TRPC4: variants seen among roughly 807,000 people sequenced by gnomAD.
TRPC4 encodes the protein short transient receptor potential channel 4.
Under a neutral mutation model 99.4 loss-of-function variants are expected in TRPC4, and 49 were observed. That is an observed-to-expected ratio of 0.49 (90% confidence interval 0.39 to 0.63). TRPC4 has a LOEUF of 0.63. TRPC4 is among the 20% of genes least tolerant of loss of function. TRPC4 has a pLI of 0.00. For missense variants in TRPC4, 898 were observed against 1,152.9 expected (o/e 0.78, Z 3.20); for synonymous variants, 454 against 425.9 (o/e 1.07, Z -0.81).
At chr13:37,842,241 G>A (rs1487906992) in intron 1 of TRPC4, among the ~76,000 whole-genome samples, 6 of 124,610 alleles carry the variant, frequency 4.8e-5, no homozygotes, top group Admixed American at 4.3e-4. Context: ...CTGCACTCCA[G>A]CCTAGGCAAC....
chr13:37,637,222 G>A lies in TRPC4; in HGVS notation c.2615C>T (p.Ala872Val), dbSNP rs1357809669. 1 of 1,613,810 alleles carries A rather than the reference G, an allele frequency of 6.2e-7. No individual in the cohort carries two copies. Among genetic ancestry groups the A allele is most frequent in the Non-Finnish European group, 8.5e-7 (1 of 1,179,892 alleles). Residue 872 changes from alanine to valine, a missense_variant, in exon 11 of 11, where the codon GCT becomes GTT. Physicochemically the swap from Ala to Val is moderately conservative, Grantham distance 64. This residue lies in a region of TRPC4 where 346 missense variants were observed against 351.4 expected (regional missense o/e 0.98). Coordinates refer to ENST00000379705, the MANE Select transcript of TRPC4 (RefSeq NM_016179.4). ...AAGTGGTCCTGCAGCCTGTTGACGA[G>A]CAACTTCTTCTGAAACAGAGAAGAT... ...NQIFSVSEEVARQQAAGPLER... is the reference protein window; with the variant it reads ...NQIFSVSEEVVRQQAAGPLER...
chr13:37,859,795 A>T (rs1445368132), intron 1 of TRPC4, among the ~76,000 whole-genome samples: 1 of 151,464 alleles, frequency 6.6e-6, no homozygotes, highest in African/African-American at 2.4e-5. Context: ...ATCTAGAAAA[A>T]CATCTGTGAT....
intron 5 of TRPC4, among the ~76,000 whole-genome samples, chr13:37,665,248 T>TATTGATAGCTGTCCCCCTATA (rs1952601282): frequency 6.6e-6 from 1 of 152,176 alleles, no homozygotes; most frequent in Non-Finnish European, 1.5e-5. Flanking sequence ...AGTCCGTAAC[T>TATTGATAGCTGTCCCCCTATA]ATTGATAGCT....
chr13:37,651,099 G>T, intron 8 of TRPC4, 166 bp downstream of exon 8: 1 of 753,476 alleles, frequency 1.3e-6, no homozygotes, highest in Non-Finnish European at 2.1e-6. Context: ...AGAAATCCTA[G>T]TTAATCAGAC....
chr13:37,653,160 A>G (rs1441149158), intron 7 of TRPC4, among the ~76,000 whole-genome samples: 1 of 152,060 alleles, frequency 6.6e-6, no homozygotes, highest in African/African-American at 2.4e-5. Flanking sequence ...ATTGCTTTTT[A>G]TCTCTACTAT....
intron 5 of TRPC4, among the ~76,000 whole-genome samples, chr13:37,665,330 TC>T (rs1222794798): frequency 1.3e-5 from 2 of 152,206 alleles, no homozygotes; most frequent in Non-Finnish European, 2.9e-5. Context: ...TTGAGAAATA[TC>T]CCCCTATGTT....
intron 3 of TRPC4, among the ~76,000 whole-genome samples, chr13:37,720,396 A>G (rs777709426): frequency 3.3e-5 from 5 of 152,120 alleles, no homozygotes; most frequent in Non-Finnish European, 7.4e-5. Flanking sequence ...TAGTAATGGG[A>G]CGCCTAAGTC....
At position 37,634,646 on chromosome 13, in the gene TRPC4, A is replaced by G. The variant is rs1217282100; in HGVS notation, c.*2257T>C. On this transcript the variant is annotated 3_prime_UTR_variant, in exon 11 of 11. Transcript: ENST00000379705. The stretch of plus-strand genomic sequence containing the variant: ...AGAGAATTTGAAATTAAATTCTGGT[A>G]AAGTATGTAAAATGGTTATGTATAG... Among the ~76,000 whole-genome samples the G allele has an allele frequency of 1.3e-5, 2 of 152,092 alleles. No individual in the cohort carries two copies. Among genetic ancestry groups the G allele is most frequent in the African/African-American group, 4.8e-5 (2 of 41,436 alleles).
At chr13:37,740,762 A>T (rs1955562664) in intron 3 of TRPC4, among the ~76,000 whole-genome samples, 1 of 152,204 alleles carries the variant, frequency 6.6e-6, no homozygotes, top group South Asian at 2.1e-4. Flanking sequence ...CTTGAGATTA[A>T]GAGAGCTTTA....
chr13:37,798,241 G>C (rs886912589), intron 1 of TRPC4, among the ~76,000 whole-genome samples: 2 of 152,198 alleles, frequency 1.3e-5, no homozygotes, highest in Admixed American at 1.3e-4. Context: ...ATATAAGAAA[G>C]AGCTATGAAC....
chr13:37,734,129 A>G (rs527539339), intron 3 of TRPC4, among the ~76,000 whole-genome samples: 20 of 152,298 alleles, frequency 1.3e-4, no homozygotes, highest in African/African-American at 4.3e-4. Flanking sequence ...GAATCTGCAC[A>G]GAGTATTTCT....
At chr13:37,773,737 T>C (rs1459660367) in intron 2 of TRPC4, among the ~76,000 whole-genome samples, 1 of 151,846 alleles carries the variant, frequency 6.6e-6, no homozygotes, top group Admixed American at 6.6e-5. Context: ...GAATGCTTGA[T>C]AAATTGTAAT....
chr13:37,715,163 T>C (rs1390787760), intron 3 of TRPC4, among the ~76,000 whole-genome samples: 1 of 152,182 alleles, frequency 6.6e-6, no homozygotes, highest in Non-Finnish European at 1.5e-5. Context: ...TCCAGACTTG[T>C]CCACCTTTCT....
chr13:37,720,415 GT>G (rs892597325), intron 3 of TRPC4, among the ~76,000 whole-genome samples: 14 of 152,172 alleles, frequency 9.2e-5, no homozygotes, highest in African/African-American at 3.4e-4. Context: ...TCTGTCCGTT[GT>G]TTTGGACATG....
Position 37,636,610 on chromosome 13 carries a change from A to T in TRPC4, c.*293T>A. The T allele has an allele frequency of 4.4e-6, 1 of 229,088 alleles. No individual in the cohort carries two copies. The highest frequency in any genetic ancestry group is 8.4e-6 in the Non-Finnish European group (1 of 119,168). 14.2% of individuals were successfully genotyped at this position (229,088 alleles called of 1,614,324 possible). Reference sequence around the variant, plus strand: ...ATAAATTGCATTTGTTTTAATTGAAAAAGATAGCTAAAATGTTTCTGTGGG... The same window carrying T: ...ATAAATTGCATTTGTTTTAATTGAATAAGATAGCTAAAATGTTTCTGTGGG... On this transcript the variant is annotated 3_prime_UTR_variant, in exon 11 of 11. Transcript: ENST00000379705.
At chr13:37,846,125 CA>C (rs1157223131) in intron 1 of TRPC4, among the ~76,000 whole-genome samples, 1 of 152,014 alleles carries the variant, frequency 6.6e-6, no homozygotes, top group Admixed American at 6.6e-5. Flanking sequence ...CCCAGACAAA[CA>C]AAAGCTAAGA....
At chr13:37,700,170 T>C (rs1323735117) in intron 3 of TRPC4, among the ~76,000 whole-genome samples, 2 of 152,236 alleles carry the variant, frequency 1.3e-5, no homozygotes, top group African/African-American at 4.8e-5. Flanking sequence ...AGATTAAAAA[T>C]GCTAGTTATT....
rs1371545050 is a variant in TRPC4 at position 37,633,624 on chromosome 13, T to C, written c.*3279A>G. ...ATGGTGAGTCTACTATCCTTGACTT[T>C]TCATCAATTTGTTTCATCACTAAAG... On this transcript the variant is annotated 3_prime_UTR_variant, in exon 11 of 11. Coordinates refer to ENST00000379705, the MANE Select transcript of TRPC4 (RefSeq NM_016179.4). 6.6e-6 allele frequency among the ~76,000 whole-genome samples: 1 copy of C among 152,162 alleles called. No individual in the cohort carries two copies. The highest frequency in any genetic ancestry group is 1.5e-5 in the Non-Finnish European group (1 of 68,000).
chr13:37,831,470 G>C (rs1958419896), intron 1 of TRPC4, among the ~76,000 whole-genome samples: 1 of 152,180 alleles, frequency 6.6e-6, no homozygotes, highest in African/African-American at 2.4e-5. Flanking sequence ...TTGGAATATA[G>C]TATGGAGGTT....
Sources: gnomAD v4.1 joint callset for allele counts (sites outside exome capture counted in the v4.1 genomes callset) on GRCh38, gnomAD v4.1.1 for gene constraint, gnomAD v4.1.1 regional missense constraint, MANE v1.5 for transcripts, NCBI Gene and HGNC (gene_info 2026-07-23, HGNC 2026-07-21) for gene names.